The following NT5DC2 variants were observed in gnomAD, a reference collection of about 807,000 sequenced individuals.
The protein encoded by NT5DC2 is 5'-nucleotidase domain containing 2.
Under a neutral mutation model 70.0 loss-of-function variants are expected in NT5DC2, and 41 were observed. That is an observed-to-expected ratio of 0.59 (90% confidence interval 0.46 to 0.76). The LOEUF (loss-of-function observed/expected upper bound fraction) is 0.76, where lower values mean the gene tolerates loss of function less well. NT5DC2 is among the 30% of genes least tolerant of loss of function. NT5DC2 has a pLI of 0.00. For synonymous variants in NT5DC2, 299 were observed against 310.4 expected (o/e 0.96, Z 0.39); for missense variants, 705 against 783.2 (o/e 0.90, Z 1.19).
chr3:52,534,414 G>C, upstream of NT5DC2: 9 of 1,544,362 alleles, frequency 5.8e-6, no homozygotes, highest in Non-Finnish European at 8.0e-6. Flanking sequence ...GGGGGAGGCC[G>C]AGGGGCCTGC....
At chr3:52,525,968 T>TAA (rs2079259571) in intron 10 of NT5DC2, 1 of 152,440 alleles carries the variant, frequency 6.6e-6, no homozygotes, top group East Asian at 1.9e-4. Context: ...ATTGCTGAAC[T>TAA]AAGTTCAAGT....
chr3:52,530,534 C>T lies in NT5DC2; in HGVS notation c.233-1200G>A, dbSNP rs191640554. Among the ~76,000 whole-genome samples, 324 of 152,252 alleles carry T rather than the reference C, an allele frequency of 2.1e-3. 3 individuals carry two copies. Among genetic ancestry groups the T allele is most frequent in the Middle Eastern group, 0.017 (5 of 294 alleles). On this transcript the variant is annotated intron_variant, in intron 1 of 13. Coordinates refer to ENST00000422318, the MANE Select transcript of NT5DC2 (RefSeq NM_001134231.2). The stretch of plus-strand genomic sequence containing the variant: ...GTCACCTCACCTCTTGGGCCTGTTT[C>T]CTAGTTTCTAAAAGGGTACAAAAAA...
At position 52,527,385 on chromosome 3, in the gene NT5DC2, A is replaced by C; in HGVS notation, c.1038-10T>G. ...GAGTTTTCTGAAAGGCCTGGGGTGCAGGTAAAGGGCATGACTTCCAGTCTG... is the reference window on the plus strand; with the variant it reads ...GAGTTTTCTGAAAGGCCTGGGGTGCCGGTAAAGGGCATGACTTCCAGTCTG... On this transcript the variant is annotated splice_polypyrimidine_tract_variant and intron_variant, in intron 9 of 13. Coordinates refer to ENST00000422318, the MANE Select transcript of NT5DC2 (RefSeq NM_001134231.2). 6.2e-7 allele frequency: 1 copy of C among 1,613,794 alleles called. No individual in the cohort carries two copies. The highest frequency in any genetic ancestry group is 8.5e-7 in the Non-Finnish European group (1 of 1,179,786).
rs894721096 is a variant in NT5DC2 at position 52,533,632 on chromosome 3, G to A, written c.106C>T (p.Pro36Ser). The A allele has an allele frequency of 7.6e-5, 92 of 1,217,436 alleles. No homozygotes were observed. The African/African-American group carries it at 1.3e-3, about 17-fold the overall frequency. The allele number at this position is 1,217,436 out of a possible 1,614,324, so 75.4% of individuals were successfully genotyped here. ...GGGCAGTGGGCGCCGGGACCCGGGG[G>A]GCCGCACCCAGGGCAGGAGGGCGAG... ...SSSPSCPGCG[P>S]PGPGAHCPGV... Residue 36 changes from proline (P) to serine (S), a missense_variant, in exon 1 of 14, where the codon CCC (proline) becomes TCC (serine). Physicochemically the swap from Pro to Ser is moderately conservative, Grantham distance 74. Transcript: ENST00000422318.
At chr3:52,525,428 C>A in intron 10 of NT5DC2, 133 bp from the exon 11 acceptor site, 1 of 656,588 alleles carries the variant, frequency 1.5e-6, no homozygotes, top group South Asian at 1.9e-5. Flanking sequence ...GCTGCTCCCT[C>A]CCTGGGCCCT....
intron 10 of NT5DC2, 87 bp from the exon 11 acceptor site, chr3:52,525,382 T>C: frequency 1.0e-6 from 1 of 990,460 alleles, no homozygotes; most frequent in Non-Finnish European, 1.5e-6. Context: ...GCAGCCCAAA[T>C]CCAGCCGGAT....
chr3:52,528,622 G>A lies in NT5DC2; in HGVS notation c.548+15C>T, dbSNP rs758119457. ...AGGGTGGGGCGGGGGTGGGGTTGGG[G>A]CAGAGCCGACTGACCTGTAGGCTGT... On this transcript the variant is annotated intron_variant, in intron 4 of 13. Transcript: ENST00000422318. The A allele has an allele frequency of 6.5e-7, 1 of 1,537,118 alleles. No individual in the cohort carries two copies. Among genetic ancestry groups the A allele is most frequent in the Admixed American group, 1.8e-5 (1 of 55,136 alleles).
At chr3:52,533,895 G>A, upstream of NT5DC2, 1 of 942,442 alleles carries the variant, frequency 1.1e-6, no homozygotes. Context: ...CAATGGGCGC[G>A]CCCCTCGGCC....
At chr3:52,534,246 G>A, upstream of NT5DC2, 1 of 511,382 alleles carries the variant, frequency 2.0e-6, no homozygotes, top group Non-Finnish European at 3.6e-6. Flanking sequence ...CAGATCCTCC[G>A]CTCCTCCCCC....
Position 52,524,600 on chromosome 3 carries a change from T to C in NT5DC2, c.1544A>G (p.Asn515Ser), listed in dbSNP as rs112096597. The C allele has an allele frequency of 9.3e-6, 15 of 1,613,074 alleles. No individual in the cohort carries two copies. Among genetic ancestry groups the C allele is most frequent in the Non-Finnish European group, 2.5e-6 (3 of 1,180,034 alleles). Reference sequence around the variant, plus strand: ...GTAGAAGGTGAAGTCCACGCGGTAGTTGAGCAGGCAGCTGAGGGAGGCCAT... The same window carrying C: ...GTAGAAGGTGAAGTCCACGCGGTAGCTGAGCAGGCAGCTGAGGGAGGCCAT... ...LYMASLSCLL[N>S]YRVDFTFYPR... Residue 515 changes from asparagine to serine, a missense_variant, in exon 14 of 14, where the codon AAC becomes AGC. Transcript: ENST00000422318.
chr3:52,534,571 G>T, upstream of NT5DC2: 1 of 1,613,758 alleles, frequency 6.2e-7, no homozygotes, highest in South Asian at 1.1e-5. Context: ...CCCCTCGTGA[G>T]ATGCTGTGGT....
chr3:52,524,869 C>A lies in NT5DC2; in HGVS notation c.1360G>T (p.Ala454Ser), dbSNP rs376448274. 6.2e-7 allele frequency: 1 copy of A among 1,612,386 alleles called. No individual in the cohort carries two copies. Among genetic ancestry groups the A allele is most frequent in the East Asian group, 2.2e-5 (1 of 44,840 alleles). The change falls in exon 13 of 14, where the codon GCG becomes TCG. Residue 454 changes from alanine to serine, a missense_variant. Transcript: ENST00000422318. ...LLERMQTYQD[A>S]ESRQVLAAWM... Reference sequence around the variant, plus strand: ...GCAGCCAGCACCTGCCTCGACTCCGCGTCCTGATAGGTCTGGGGACACAAA... The same window carrying A: ...GCAGCCAGCACCTGCCTCGACTCCGAGTCCTGATAGGTCTGGGGACACAAA...
rs1257060618 is a variant in NT5DC2 at position 52,525,314 on chromosome 3, T to G, written c.1120-19A>C. 3 of 1,599,424 alleles carry G rather than the reference T, an allele frequency of 1.9e-6. No individual in the cohort carries two copies. The African/African-American group carries it at 4.0e-5, about 21-fold the overall frequency. On this transcript the variant is annotated intron_variant, in intron 10 of 13. Transcript: ENST00000422318. ...GGTTTCCCTAGGGAGAGGAGGGGAATGCTGCTGAGCCAAGTGTGCCTTGTC... is the reference window on the plus strand; with the variant it reads ...GGTTTCCCTAGGGAGAGGAGGGGAAGGCTGCTGAGCCAAGTGTGCCTTGTC...
chr3:52,525,156 G>A lies in NT5DC2; in HGVS notation c.1206+53C>T, dbSNP rs947235669. 8.6e-5 allele frequency: 108 copies of A among 1,250,536 alleles called. 1 individual carries two copies. The highest frequency in any genetic ancestry group is 8.5e-4 in the Middle Eastern group (4 of 4,716). 77.5% of individuals were successfully genotyped at this position (1,250,536 alleles called of 1,614,324 possible). On this transcript the variant is annotated intron_variant, in intron 11 of 13. Transcript: ENST00000422318. ...TCAGCGCCAGTTGCTGGGGGCGGGG[G>A]GGGGGGGGTTTCCTGGCCCTCCCCC...
At chr3:52,530,554 A>T (rs985812683) in intron 1 of NT5DC2, among the ~76,000 whole-genome samples, 1 of 152,180 alleles carries the variant, frequency 6.6e-6, no homozygotes, top group Non-Finnish European at 1.5e-5. Context: ...AAAAGGGTAC[A>T]AAAAATTGTA....
rs766267162 is a variant in NT5DC2 at position 52,525,071 on chromosome 3, G to A, written c.1239C>T (p.Gly413=). 3 of 1,589,646 alleles carry A rather than the reference G, an allele frequency of 1.9e-6. No homozygotes were observed. The highest frequency in any genetic ancestry group is 2.6e-6 in the Non-Finnish European group (3 of 1,169,556). The change falls in exon 12 of 14, where the codon GGC becomes GGT. Residue 413 remains glycine, a synonymous_variant. Transcript: ENST00000422318. ...DLMLRHGWRT[G]AIIPELEREI... Reference sequence around the variant, plus strand: ...CACGCTCCAGCTCGGGGATGATGGCGCCTGTGCGCCAGCCGTGCCGCAGCA... The same window carrying A: ...CACGCTCCAGCTCGGGGATGATGGCACCTGTGCGCCAGCCGTGCCGCAGCA...
chr3:52,529,242 A>G lies in NT5DC2; in HGVS notation c.325T>C (p.Phe109Leu). 13 of 1,613,956 alleles carry G rather than the reference A, an allele frequency of 8.1e-6. No homozygotes were observed. The highest frequency in any genetic ancestry group is 1.0e-5 in the Non-Finnish European group (12 of 1,179,966). ...ISLRDVEVYG[F>L]DYDYTLAQYA... Reference sequence around the variant, plus strand: ...TGGGCCAGGGTGTAGTCGTAGTCAAAGCCGTAGACCTCAACGTCACGCAGG... The same window carrying G: ...TGGGCCAGGGTGTAGTCGTAGTCAAGGCCGTAGACCTCAACGTCACGCAGG... Residue 109 changes from phenylalanine to leucine, a missense_variant, in exon 2 of 14, where the codon TTT becomes CTT. Transcript: ENST00000422318. This position sits in a 1 kb window ranked among gnomAD's most constrained non-coding sequence, Gnocchi z 4.1.
At chr3:52,530,639 C>T (rs561927017) in intron 1 of NT5DC2, among the ~76,000 whole-genome samples, 1 of 152,120 alleles carries the variant, frequency 6.6e-6, no homozygotes, top group Non-Finnish European at 1.5e-5. Flanking sequence ...TGCTTGAAAC[C>T]CAGTAGTTCA....
At position 52,529,338 on chromosome 3, in the gene NT5DC2, G is replaced by C; in HGVS notation, c.233-4C>G. 3 of 1,613,020 alleles carry C rather than the reference G, an allele frequency of 1.9e-6. No homozygotes were observed. The highest frequency in any genetic ancestry group is 2.7e-5 in the African/African-American group (2 of 75,006). ...CAGACCTCGGGGGGCAGGAGGTCTAGAGGAAGGAGATGCAGGGAGGCAGTG... is the reference window on the plus strand; with the variant it reads ...CAGACCTCGGGGGGCAGGAGGTCTACAGGAAGGAGATGCAGGGAGGCAGTG... On this transcript the variant is annotated splice_polypyrimidine_tract_variant and splice_region_variant and intron_variant, in intron 1 of 13. Transcript: ENST00000422318. The surrounding 1 kb of genome is among the most constrained non-coding windows in gnomAD (Gnocchi z 4.1).
Sources: allele counts gnomAD v4.1 joint callset (sites outside exome capture counted in the v4.1 genomes callset), GRCh38; gene constraint gnomAD v4.1.1; non-coding constraint Gnocchi (gnomAD v3.1); transcripts MANE v1.5; gene names NCBI Gene and HGNC (gene_info 2026-07-23, HGNC 2026-07-21).